Variants in DDX3X observed in about 807,000 individuals in gnomAD.
DDX3X encodes DEAD-box helicase 3 X-linked.
DDX3X carries 4 observed loss-of-function variants against 52.7 expected under a neutral mutation model. That is an observed-to-expected ratio of 0.08 (90% CI 0.04 to 0.17). The LOEUF (loss-of-function observed/expected upper bound fraction) is 0.17, where lower values mean the gene tolerates loss of function less well. Among genes scored for constraint, DDX3X ranks in the 10% least tolerant of loss-of-function variants. The pLI is 1.00. For synonymous variants in DDX3X, 192 were observed against 178.1 expected (o/e 1.08, Z -0.62); for missense variants, 222 against 548.6 (o/e 0.40, Z 5.95).
Position 41,348,064 on chromosome X carries a change from C to T in DDX3X, c.*345C>T. ...TTTAGACAACTTTTTATTTTGATGTCCTGTTGGCTCAGTAATGCTCAAGAT... is the reference window on the plus strand; with the variant it reads ...TTTAGACAACTTTTTATTTTGATGTTCTGTTGGCTCAGTAATGCTCAAGAT... On this transcript the variant is annotated 3_prime_UTR_variant, in exon 17 of 17. Transcript: ENST00000644876. The T allele has an allele frequency of 3.3e-6, 1 of 300,021 alleles. No individual in the cohort carries two copies. 24.7% of individuals were successfully genotyped at this position (300,021 alleles called of 1,213,427 possible).
intron 2 of DDX3X, 175 bp downstream of exon 2, chrX:41,337,640 G>A (rs2147341021): frequency 6.3e-6 from 2 of 316,764 alleles, no homozygotes; most frequent in East Asian, 5.7e-5. Flanking sequence ...AAGCATCGTT[G>A]CCTTTTTTTT....
chrX:41,356,454 C>CTTTTT (rs760583439), intron 5 of DDX3X, among the ~76,000 whole-genome samples: 8 of 65,642 alleles, frequency 1.2e-4, no homozygotes, highest in Non-Finnish European at 1.3e-4. Context: ...GCCAGTATTT[C>CTTTTT]TTTTTTTTTT....
At chrX:41,343,580 C>T in intron 7 of DDX3X, 157 bp from the exon 8 acceptor site, 2 of 543,200 alleles carry the variant, frequency 3.7e-6, no homozygotes, top group Non-Finnish European at 2.9e-6. Flanking sequence ...AGTTTGCTGA[C>T]TCCTCTTAGA....
intron 3 of DDX3X, chrX:41,340,986 ATTT>A (rs1297855289): frequency 3.2e-5 from 7 of 220,515 alleles, no homozygotes; most frequent in East Asian, 6.8e-5. Context: ...GTGTAAAGTA[ATTT>A]TTTTTTTTTT....
intron 4 of DDX3X, 56 bp downstream of exon 4, chrX:41,341,672 T>A: frequency 2.8e-6 from 3 of 1,088,089 alleles, no homozygotes; most frequent in Middle Eastern, 5.0e-4. Context: ...TAATAAGTCG[T>A]TATCCTGACC....
chrX:41,355,662 T>TGA (rs1555956206), intron 5 of DDX3X, among the ~76,000 whole-genome samples: 17 of 104,381 alleles, frequency 1.6e-4, no homozygotes, highest in Non-Finnish European at 1.4e-4. Context: ...TTTTTTTTTT[T>TGA]GAGATGTGGT....
At chrX:41,340,927 G>GGT (rs1053448074) in intron 3 of DDX3X, 24 of 286,846 alleles carry the variant, frequency 8.4e-5, no homozygotes, top group African/African-American at 6.4e-4. Flanking sequence ...ACCACTTAGA[G>GGT]GTAGTATTCA....
Position 41,347,688 on chromosome X carries a change from A to T in DDX3X, c.1958A>T (p.Asn653Ile). 8.3e-7 allele frequency: 1 copy of T among 1,201,167 alleles called. No homozygotes were observed. Among genetic ancestry groups the T allele is most frequent in the East Asian group, 3.0e-5 (1 of 33,753 alleles). The stretch of plus-strand genomic sequence containing the variant: ...AGTGATGGATATGGAGGAAATTATA[A>T]CTCCCAGGGGGTTGACTGGTGGGGT... ...YNSDGYGGNY[N>I]SQGVDWWGN is the part of the protein sequence containing the mutation. The change falls in exon 17 of 17, where the codon AAC becomes ATC. Residue 653 changes from asparagine (N) to isoleucine (I), a missense_variant. By Grantham distance (149) the Asn-to-Ile change is moderately radical. Coordinates refer to ENST00000644876, the MANE Select transcript of DDX3X (RefSeq NM_001356.5).
At chrX:41,351,941 A>G (rs2063989965), downstream of DDX3X, among the ~76,000 whole-genome samples, 1 of 111,670 alleles carries the variant, frequency 9.0e-6, no homozygotes, top group South Asian at 3.7e-4. Context: ...AAACGGACCA[A>G]TACGATTTAA....
chrX:41,363,432 A>ATTT (rs1205536046), intron 5 of DDX3X, among the ~76,000 whole-genome samples: 1 of 110,100 alleles, frequency 9.1e-6, no homozygotes, highest in East Asian at 2.9e-4. Context: ...CTCACAAAAA[A>ATTT]TAAAAGAGTT....
chrX:41,353,605 TAA>T (rs60207564), downstream of DDX3X, among the ~76,000 whole-genome samples: 2 of 88,453 alleles, frequency 2.3e-5, no homozygotes. Context: ...CCGTCTCTAC[TAA>T]AAAAAAAAAA....
At chrX:41,336,893 G>A (rs1355069654) in intron 1 of DDX3X, among the ~76,000 whole-genome samples, 2 of 112,413 alleles carry the variant, frequency 1.8e-5, no homozygotes, top group South Asian at 3.6e-4. Flanking sequence ...TAGGGATGAA[G>A]TATCTAACTA....
At chrX:41,361,679 C>T (rs1569246099) in intron 5 of DDX3X, among the ~76,000 whole-genome samples, 2 of 111,049 alleles carry the variant, frequency 1.8e-5, no homozygotes, top group African/African-American at 6.5e-5. Flanking sequence ...CATGCCTGGC[C>T]CTCTTTCTCC....
At chrX:41,345,595 T>C in intron 12 of DDX3X, 47 bp downstream of exon 12, 2 of 1,089,138 alleles carry the variant, frequency 1.8e-6, no homozygotes, top group Non-Finnish European at 1.3e-6. Flanking sequence ...GGTTTCTCTT[T>C]GTTGCCCAGG....
intron 5 of DDX3X, among the ~76,000 whole-genome samples, chrX:41,357,350 A>C (rs777314283): frequency 9.0e-6 from 1 of 111,601 alleles, no homozygotes; most frequent in South Asian, 3.7e-4. Flanking sequence ...TTTCCACATA[A>C]ATTTTAGAAT....
chrX:41,345,696 A>T, intron 12 of DDX3X, 148 bp downstream of exon 12: 1 of 517,939 alleles, frequency 1.9e-6, no homozygotes, highest in Non-Finnish European at 3.0e-6. Flanking sequence ...GGGCCTGTTC[A>T]CCCCTCCTTA....
chrX:41,347,473 A>G (rs775357773), intron 16 of DDX3X, 22 bp downstream of exon 16: 1 of 1,201,658 alleles, frequency 8.3e-7, no homozygotes, highest in Non-Finnish European at 1.1e-6. Flanking sequence ...CTGTAACTTC[A>G]TAGCTTTGGG....
chrX:41,351,200 T>G (rs1466849907), downstream of DDX3X: 1 of 111,847 alleles, frequency 8.9e-6, no homozygotes, highest in Non-Finnish European at 1.9e-5. Flanking sequence ...TTTATGTGAA[T>G]GATGAGTGAA....
At chrX:41,338,320 C>G (rs2063800185) in intron 2 of DDX3X, 1 of 111,447 alleles carries the variant, frequency 9.0e-6, no homozygotes, top group Non-Finnish European at 1.9e-5. Context: ...TAACTTTCAC[C>G]TTATTTGTCA....
Sources: allele counts gnomAD v4.1 joint callset (sites outside exome capture counted in the v4.1 genomes callset), GRCh38; gene constraint gnomAD v4.1.1; transcripts MANE v1.5; gene names NCBI Gene and HGNC (gene_info 2026-07-23, HGNC 2026-07-21).